Variants in PPM1H observed in about 807,000 individuals in gnomAD.
PPM1H encodes the protein protein phosphatase, Mg2+/Mn2+ dependent 1H.
A neutral mutation model predicts 54.9 loss-of-function variants in PPM1H; 27 were observed. The ratio of observed to expected loss-of-function variants is 0.49; its 90% confidence interval spans 0.36 to 0.68. PPM1H has a LOEUF of 0.68. PPM1H is among the 30% of genes least tolerant of loss of function. PPM1H has a pLI of 0.00. For synonymous variants in PPM1H, 305 were observed against 270.8 expected (o/e 1.13, Z -1.24); for missense variants, 596 against 667.8 (o/e 0.89, Z 1.19).
chr12:62,918,649 G>C (rs979892076), intron 1 of PPM1H, among the ~76,000 whole-genome samples: 2 of 152,072 alleles, frequency 1.3e-5, no homozygotes, highest in African/African-American at 4.8e-5. Flanking sequence ...GCTTAGCAAA[G>C]ATTTACCTAC....
chr12:62,932,045 C>T (rs1395791949), intron 1 of PPM1H, among the ~76,000 whole-genome samples: 2 of 150,354 alleles, frequency 1.3e-5, no homozygotes, highest in African/African-American at 4.9e-5. Flanking sequence ...CCTCATTACT[C>T]CTAGGGAGTA....
intron 3 of PPM1H, among the ~76,000 whole-genome samples, chr12:62,796,293 T>G (rs962559596): frequency 2.0e-5 from 3 of 152,180 alleles, no homozygotes; most frequent in Non-Finnish European, 4.4e-5. Context: ...CACACAATTA[T>G]GTACTTGGAG....
chr12:62,764,060 G>T (rs368897887), intron 4 of PPM1H, among the ~76,000 whole-genome samples: 2 of 152,152 alleles, frequency 1.3e-5, no homozygotes, highest in Non-Finnish European at 2.9e-5. Context: ...GCTCCATGCC[G>T]TGGGGACCAT....
intron 1 of PPM1H, among the ~76,000 whole-genome samples, chr12:62,833,657 C>T (rs764185987): frequency 3.0e-4 from 45 of 152,164 alleles, no homozygotes; most frequent in Non-Finnish European, 2.9e-4. Flanking sequence ...GATTTGAGTG[C>T]CGCAAGATGT....
At chr12:62,693,847 A>G in intron 7 of PPM1H, 89 bp downstream of exon 7, 1 of 1,144,782 alleles carries the variant, frequency 8.7e-7, no homozygotes, top group Admixed American at 2.0e-5. Flanking sequence ...CAAGCTGCTG[A>G]GTGGAACACA....
intron 8 of PPM1H, among the ~76,000 whole-genome samples, chr12:62,675,793 C>T (rs2075982114): frequency 6.6e-6 from 1 of 152,188 alleles, no homozygotes; most frequent in African/African-American, 2.4e-5. Context: ...GGACTCTTCA[C>T]CACAGCAGGT....
chr12:62,690,951 A>G (rs571061283), intron 7 of PPM1H, among the ~76,000 whole-genome samples: 1 of 152,354 alleles, frequency 6.6e-6, no homozygotes, highest in Admixed American at 6.5e-5. Flanking sequence ...AGCCTGGGTG[A>G]CACAGTGAGA....
intron 8 of PPM1H, among the ~76,000 whole-genome samples, chr12:62,674,084 T>C (rs1377859177): frequency 6.6e-6 from 1 of 152,136 alleles, no homozygotes; most frequent in Non-Finnish European, 1.5e-5. Context: ...AAAGGAAATA[T>C]AACAACTGCT....
At chr12:62,927,308 T>C (rs1363676762) in intron 1 of PPM1H, among the ~76,000 whole-genome samples, 2 of 152,168 alleles carry the variant, frequency 1.3e-5, no homozygotes, top group African/African-American at 4.8e-5. Context: ...AAATGTTCAA[T>C]GGGAGATTCA....
intron 8 of PPM1H, among the ~76,000 whole-genome samples, chr12:62,680,663 AC>A (rs1046342249): frequency 6.6e-6 from 1 of 152,112 alleles, no homozygotes; most frequent in African/African-American, 2.4e-5. Context: ...TCTTCAGACA[AC>A]CCCAGCCCCA....
At chr12:62,742,865 G>C (rs1592574627) in intron 4 of PPM1H, among the ~76,000 whole-genome samples, 1 of 152,036 alleles carries the variant, frequency 6.6e-6, no homozygotes, top group South Asian at 2.1e-4. Context: ...AGAGGGGATG[G>C]GTTTTCAGCA....
chr12:62,697,854 T>C (rs190078285), intron 6 of PPM1H, among the ~76,000 whole-genome samples: 106 of 152,226 alleles, frequency 7.0e-4, no homozygotes, highest in African/African-American at 2.4e-3. Flanking sequence ...TGTTACGAGA[T>C]AGCAAAACTG....
At chr12:62,854,181 C>G (rs1311835911) in intron 1 of PPM1H, among the ~76,000 whole-genome samples, 1 of 152,150 alleles carries the variant, frequency 6.6e-6, no homozygotes, top group Admixed American at 6.5e-5. Context: ...AGCTGAGCAG[C>G]ACATTTACTG....
At chr12:62,652,765 CT>C (rs1364684458) in intron 9 of PPM1H, among the ~76,000 whole-genome samples, 2 of 152,040 alleles carry the variant, frequency 1.3e-5, no homozygotes, top group Non-Finnish European at 2.9e-5. Flanking sequence ...TTTAATTCAC[CT>C]TTTTTTGAGC....
intron 9 of PPM1H, among the ~76,000 whole-genome samples, chr12:62,648,870 T>TATTC (rs1278347203): frequency 2.0e-5 from 3 of 152,242 alleles, no homozygotes; most frequent in Admixed American, 2.0e-4. Flanking sequence ...TGTCTTACAT[T>TATTC]ATTCACCTCC....
intron 1 of PPM1H, among the ~76,000 whole-genome samples, chr12:62,889,033 A>G (rs954462432): frequency 2.0e-5 from 3 of 152,010 alleles, no homozygotes; most frequent in Middle Eastern, 3.2e-3. Context: ...CCTAGCAATG[A>G]CTCTTTAGAA....
In PPM1H at chr12:62,673,391, T is replaced by C. The variant is rs556023764; in HGVS notation, c.1246-6062A>G. ...GCTCCCATCTTTGCCTTATTACTGA[T>C]GATATTTTGGTGGCATGTTAGGAGG... On this transcript the variant is annotated intron_variant, in intron 8 of 9. Transcript: ENST00000228705. Among the ~76,000 whole-genome samples, 11 of 152,334 alleles carry C rather than the reference T, an allele frequency of 7.2e-5. No homozygotes were observed. In the South Asian group the frequency reaches 2.3e-3, roughly 32 times the overall value.
intron 1 of PPM1H, among the ~76,000 whole-genome samples, chr12:62,838,281 G>A (rs531047954): frequency 3.5e-4 from 52 of 149,334 alleles, no homozygotes; most frequent in African/African-American, 1.2e-3. Flanking sequence ...GCCATCAGGT[G>A]AAGTGAGATT....
At chr12:62,668,615 G>A (rs1012396200) in intron 8 of PPM1H, among the ~76,000 whole-genome samples, 1 of 152,144 alleles carries the variant, frequency 6.6e-6, no homozygotes, top group African/African-American at 2.4e-5. Flanking sequence ...GGCTTCAAGG[G>A]ATCCGCCTGC....
Sources: gnomAD v4.1 joint callset for allele counts (sites outside exome capture counted in the v4.1 genomes callset) on GRCh38, gnomAD v4.1.1 for gene constraint, MANE v1.5 for transcripts, NCBI Gene and HGNC (gene_info 2026-07-23, HGNC 2026-07-21) for gene names.